The following APBB2 variants were observed in gnomAD, a reference collection of about 807,000 sequenced individuals.
The protein encoded by APBB2 is amyloid beta precursor protein binding family B member 2, also known as Fe65-like 1.
A neutral mutation model predicts 82.5 loss-of-function variants in APBB2; 38 were observed. The observed-to-expected ratio is 0.46, with a 90% CI of 0.36 to 0.60. APBB2 has a LOEUF of 0.60. Ranked by LOEUF, APBB2 falls within the 20% of genes least tolerant of loss-of-function variation. The probability of loss-of-function intolerance (pLI) is 0.00; values close to 1 mark genes in which losing one functional copy is unlikely to be tolerated. For synonymous variants in APBB2, 341 were observed against 368.2 expected, an observed-to-expected ratio of 0.93 and a Z score of 0.85; for missense variants, 772 against 972.3, an observed-to-expected ratio of 0.79 and a Z score of 2.74.
intron 12 of APBB2, among the ~76,000 whole-genome samples, chr4:40,841,278 AGAG>A (rs1292245633): frequency 1.3e-5 from 2 of 152,172 alleles, no homozygotes; most frequent in African/African-American, 2.4e-5. Flanking sequence ...TCCGACACAA[AGAG>A]GAGATCTGCC....
chr4:40,975,028 C>T (rs995134436), intron 6 of APBB2, among the ~76,000 whole-genome samples: 7 of 152,222 alleles, frequency 4.6e-5, no homozygotes, highest in African/African-American at 1.7e-4. Context: ...TCTACCACTG[C>T]TAACTGACAT....
intron 12 of APBB2, among the ~76,000 whole-genome samples, chr4:40,854,757 C>T (rs1006006615): frequency 3.5e-5 from 5 of 142,644 alleles, no homozygotes; most frequent in Non-Finnish European, 6.0e-5. Flanking sequence ...CCACTGCACT[C>T]CAGCCTGGGC....
intron 12 of APBB2, among the ~76,000 whole-genome samples, chr4:40,838,431 G>A (rs1025461613): frequency 4.0e-5 from 6 of 151,578 alleles, no homozygotes; most frequent in African/African-American, 7.3e-5. Flanking sequence ...CGCCTCCCGG[G>A]TTCAAGCAAT....
At chr4:40,934,981 A>C in intron 8 of APBB2, 96 bp downstream of exon 8, 1 of 1,043,456 alleles carries the variant, frequency 9.6e-7, no homozygotes, top group East Asian at 2.6e-5. Context: ...GTGTCCCTGC[A>C]GAATGCATGA....
chr4:41,109,351 C>T (rs1042775479), intron 2 of APBB2, among the ~76,000 whole-genome samples: 6 of 151,826 alleles, frequency 4.0e-5, no homozygotes, highest in Non-Finnish European at 7.4e-5. Flanking sequence ...AGTGCAGTGA[C>T]GCCATCTTGG....
chr4:41,166,865 C>T (rs935727048), intron 1 of APBB2, among the ~76,000 whole-genome samples: 1 of 152,128 alleles, frequency 6.6e-6, no homozygotes. Context: ...CCACTGCACT[C>T]CAGCCTGAGC....
intron 15 of APBB2, chr4:40,825,611 G>A (rs532821804): frequency 4.2e-5 from 16 of 378,090 alleles, no homozygotes; most frequent in South Asian, 3.9e-4. Context: ...ACGGCCCTGA[G>A]TCACACAGCT....
At chr4:40,849,414 G>C (rs1253950875) in intron 12 of APBB2, among the ~76,000 whole-genome samples, 1 of 152,158 alleles carries the variant, frequency 6.6e-6, no homozygotes, top group African/African-American at 2.4e-5. Context: ...ATGAGAAATA[G>C]CTCCTCTGCT....
intron 6 of APBB2, among the ~76,000 whole-genome samples, chr4:41,004,072 A>G (rs1458569515): frequency 6.8e-6 from 1 of 147,838 alleles, no homozygotes; most frequent in Non-Finnish European, 1.5e-5. Context: ...GTTTATTACT[A>G]ATTTTTTTTT....
intron 7 of APBB2, among the ~76,000 whole-genome samples, chr4:40,940,284 T>C (rs1786506057): frequency 6.6e-6 from 1 of 152,088 alleles, no homozygotes; most frequent in South Asian, 2.1e-4. Context: ...CAAATAAAAA[T>C]AGGGAGGCTA....
intron 6 of APBB2, among the ~76,000 whole-genome samples, chr4:41,009,764 C>T (rs1330957905): frequency 2.6e-5 from 4 of 152,128 alleles, no homozygotes; most frequent in Non-Finnish European, 5.9e-5. Context: ...TAAGATGTCA[C>T]AAGATATTTG....
intron 10 of APBB2, among the ~76,000 whole-genome samples, chr4:40,907,387 T>A (rs1423759368): frequency 3.2e-4 from 24 of 73,958 alleles, no homozygotes; most frequent in South Asian, 1.3e-3. Flanking sequence ...ATATTTTTTT[T>A]TTTTTTTTTT....
chr4:40,992,234 A>G (rs371192588), intron 6 of APBB2, among the ~76,000 whole-genome samples: 1 of 152,262 alleles, frequency 6.6e-6, no homozygotes, highest in South Asian at 2.1e-4. Context: ...AGCCAGTGGC[A>G]TAATTATAGC....
chr4:41,024,371 C>G (rs972630071), intron 5 of APBB2, among the ~76,000 whole-genome samples: 1 of 152,214 alleles, frequency 6.6e-6, no homozygotes, highest in Non-Finnish European at 1.5e-5. Context: ...AAGAAACTAT[C>G]AACAGAGTAA....
chr4:40,955,281 G>A (rs1434842946), intron 6 of APBB2, among the ~76,000 whole-genome samples: 1 of 152,198 alleles, frequency 6.6e-6, no homozygotes, highest in Non-Finnish European at 1.5e-5. Flanking sequence ...TTCTGAAAGA[G>A]GGAACAGCAA....
intron 1 of APBB2, among the ~76,000 whole-genome samples, chr4:41,209,133 G>A (rs1003912876): frequency 6.6e-6 from 1 of 151,902 alleles, no homozygotes; most frequent in South Asian, 2.1e-4. Context: ...TCCTAACAGG[G>A]GTCCAGGAAC....
chr4:40,868,176 A>G (rs993400832), intron 12 of APBB2, among the ~76,000 whole-genome samples: 1 of 152,152 alleles, frequency 6.6e-6, no homozygotes, highest in Non-Finnish European at 1.5e-5. Context: ...AGTATGGTCC[A>G]CAGACAGAAT....
chr4:41,188,543 G>A (rs986862894), intron 1 of APBB2, among the ~76,000 whole-genome samples: 1 of 152,192 alleles, frequency 6.6e-6, no homozygotes, highest in Non-Finnish European at 1.5e-5. Context: ...ACAGTGAGAA[G>A]ATGGCCATCT....
At chr4:40,941,811 T>A (rs1446086885) in intron 7 of APBB2, among the ~76,000 whole-genome samples, 3 of 152,082 alleles carry the variant, frequency 2.0e-5, no homozygotes, top group Non-Finnish European at 4.4e-5. Flanking sequence ...AAAATCTTTT[T>A]TTTTTTGTAG....
Sources: gnomAD v4.1 joint callset for allele counts (sites outside exome capture counted in the v4.1 genomes callset) on GRCh38, gnomAD v4.1.1 for gene constraint, MANE v1.5 for transcripts, NCBI Gene and HGNC (gene_info 2026-07-23, HGNC 2026-07-21) for gene names.